The following ST3GAL1 variants were observed in gnomAD, a reference collection of about 807,000 sequenced individuals.
The protein encoded by ST3GAL1 is ST3 beta-galactoside alpha-2,3-sialyltransferase 1, also known as CMP-N-acetylneuraminate-beta-galactosamide-alpha-2,3-sialyltransferase 1.
A neutral mutation model predicts 34.1 loss-of-function variants in ST3GAL1; 16 were observed. The ratio of observed to expected loss-of-function variants is 0.47; its 90% confidence interval spans 0.32 to 0.71. The LOEUF (loss-of-function observed/expected upper bound fraction) is 0.71, where lower values mean the gene tolerates loss of function less well. ST3GAL1 is among the 30% of genes least tolerant of loss of function. The pLI, the probability that ST3GAL1 is intolerant of heterozygous loss-of-function variation, is 0.04. For synonymous variants in ST3GAL1, 191 were observed against 184.7 expected (o/e 1.03, Z -0.28); for missense variants, 353 against 447.4 (o/e 0.79, Z 1.90).
At chr8:133,541,627 A>G (rs1363203227) in intron 2 of ST3GAL1, among the ~76,000 whole-genome samples, 1 of 152,228 alleles carries the variant, frequency 6.6e-6, no homozygotes, top group Non-Finnish European at 1.5e-5. Flanking sequence ...GTCAGCAGGG[A>G]CAAATGCTTC....
rs61689158 is a variant in ST3GAL1 at position 133,458,886 on chromosome 8, CTTTT to C, written c.*874_*877del. 28 of 137,916 alleles carry C rather than the reference CTTTT, an allele frequency of 2.0e-4. No individual in the cohort carries two copies. Among genetic ancestry groups the C allele is most frequent in the African/African-American group, 7.0e-4 (26 of 37,152 alleles). 8.5% of individuals were successfully genotyped at this position (137,916 alleles called of 1,614,324 possible). ...CCAAGTTTGGGGTTTTTTTTCTTTT[CTTTT>C]TTTTTTTTTTTCAGAGACAGGGTCT... On this transcript the variant is annotated 3_prime_UTR_variant, in exon 10 of 10. Transcript: ENST00000522652.
At chr8:133,566,547 GATC>G (rs1235241365) in intron 1 of ST3GAL1, among the ~76,000 whole-genome samples, 1 of 152,060 alleles carries the variant, frequency 6.6e-6, no homozygotes, top group East Asian at 1.9e-4. Flanking sequence ...TGCAGGGGGT[GATC>G]ACCCACATGC....
chr8:133,462,759 C>T (rs966990653), intron 8 of ST3GAL1, among the ~76,000 whole-genome samples: 1 of 152,210 alleles, frequency 6.6e-6, no homozygotes, highest in African/African-American at 2.4e-5. Context: ...ACCAACCCCA[C>T]CCTATAGAGA....
intron 2 of ST3GAL1, among the ~76,000 whole-genome samples, chr8:133,530,479 AACC>A: frequency 6.6e-6 from 1 of 152,060 alleles, no homozygotes; most frequent in East Asian, 1.9e-4. Context: ...GATGGGGTTT[AACC>A]ATGTTTGTCA....
chr8:133,542,478 T>C (rs554411296), intron 2 of ST3GAL1, among the ~76,000 whole-genome samples: 1 of 152,190 alleles, frequency 6.6e-6, no homozygotes, highest in South Asian at 2.1e-4. Flanking sequence ...TCCACACTGA[T>C]ATAAAGAAAG....
chr8:133,542,589 A>G (rs897980041), intron 2 of ST3GAL1, among the ~76,000 whole-genome samples: 1 of 152,302 alleles, frequency 6.6e-6, no homozygotes, highest in Middle Eastern at 3.4e-3. Flanking sequence ...AGCCTGGCCA[A>G]CATGATGAAA....
Position 133,475,856 on chromosome 8 carries a change from T to C in ST3GAL1, c.169A>G (p.Arg57Gly). The change falls in exon 5 of 10, where the codon AGG becomes GGG. Residue 57 changes from arginine (R) to glycine (G), a missense_variant. Arg to Gly is a moderately radical substitution (Grantham distance 125). Transcript: ENST00000522652. ...SENLKRLIKHRPCTCTHCIGQ... is the reference protein window; with the variant it reads ...SENLKRLIKHGPCTCTHCIGQ... Reference sequence around the variant, plus strand: ...ATGCAGTGGGTGCAGGTGCAAGGCCTGTGCTTGATCAGTCTCTTCAGGTTC... The same window carrying C: ...ATGCAGTGGGTGCAGGTGCAAGGCCCGTGCTTGATCAGTCTCTTCAGGTTC... 6.2e-7 allele frequency: 1 copy of C among 1,614,112 alleles called. No homozygotes were observed. Among genetic ancestry groups the C allele is most frequent in the Non-Finnish European group, 8.5e-7 (1 of 1,180,030 alleles).
At chr8:133,511,176 C>A (rs542247094) in intron 2 of ST3GAL1, among the ~76,000 whole-genome samples, 1 of 152,166 alleles carries the variant, frequency 6.6e-6, no homozygotes, top group South Asian at 2.1e-4. Flanking sequence ...TCAACAAACA[C>A]ATTTTAAAAA....
chr8:133,513,281 TCTC>T (rs1055426974), intron 2 of ST3GAL1, among the ~76,000 whole-genome samples: 2 of 152,158 alleles, frequency 1.3e-5, no homozygotes, highest in Non-Finnish European at 2.9e-5. Flanking sequence ...TCTCGCCTCT[TCTC>T]CTGAGAACTA....
intron 1 of ST3GAL1, among the ~76,000 whole-genome samples, chr8:133,552,314 C>T (rs1210713068): frequency 2.6e-5 from 4 of 152,206 alleles, no homozygotes; most frequent in African/African-American, 9.7e-5. Context: ...GATCAGTTCG[C>T]AAATGGGACA....
rs527741557 is a variant in ST3GAL1 at position 133,465,509 on chromosome 8, C to T, written c.503+385G>A. 8.4e-5 allele frequency: 15 copies of T among 177,762 alleles called. No homozygotes were observed. In the South Asian group the frequency reaches 2.2e-3, roughly 26 times the overall value. 11.0% of individuals were successfully genotyped at this position (177,762 alleles called of 1,614,324 possible). A position where few individuals can be genotyped will look rare whatever the true frequency, so the allele number is the denominator to read the frequency against. ...CTGAAATGTCTGTTTCACTTGGCGA[C>T]AGGGGAAAATATATTTTACATAAAA... On this transcript the variant is annotated intron_variant, in intron 6 of 9. Transcript: ENST00000522652.
intron 3 of ST3GAL1, among the ~76,000 whole-genome samples, chr8:133,487,057 C>T (rs1419398967): frequency 6.6e-6 from 1 of 152,206 alleles, no homozygotes; most frequent in Non-Finnish European, 1.5e-5. Flanking sequence ...GATTCTCCTG[C>T]CTCAGCCTCT....
chr8:133,502,959 A>G (rs894957660), intron 2 of ST3GAL1, among the ~76,000 whole-genome samples: 4 of 152,204 alleles, frequency 2.6e-5, no homozygotes, highest in Admixed American at 2.0e-4. Context: ...CAGTTCTGGT[A>G]TGTGCCATCT....
intron 2 of ST3GAL1, among the ~76,000 whole-genome samples, chr8:133,531,742 A>AC (rs1388173139): frequency 6.7e-6 from 1 of 148,666 alleles, no homozygotes; most frequent in Non-Finnish European, 1.5e-5. Context: ...GGTGCAGCAA[A>AC]CCACCATGGC....
intron 2 of ST3GAL1, among the ~76,000 whole-genome samples, chr8:133,510,059 C>CAAA (rs61402942): frequency 3.3e-5 from 4 of 120,216 alleles, no homozygotes; most frequent in South Asian, 2.8e-4. Flanking sequence ...AACTCTGTCT[C>CAAA]AAAAAAAAAA....
chr8:133,528,767 C>T (rs1188786835), intron 2 of ST3GAL1, among the ~76,000 whole-genome samples: 1 of 152,254 alleles, frequency 6.6e-6, no homozygotes, highest in Non-Finnish European at 1.5e-5. Context: ...AAAACATTTG[C>T]TGCCCCTGGA....
chr8:133,511,449 C>T (rs1189385288), intron 2 of ST3GAL1, among the ~76,000 whole-genome samples: 1 of 152,202 alleles, frequency 6.6e-6, no homozygotes, highest in Non-Finnish European at 1.5e-5. Flanking sequence ...CTGTTTCAGA[C>T]ACTTGATGTG....
intron 3 of ST3GAL1, among the ~76,000 whole-genome samples, chr8:133,492,447 G>A (rs868124402): frequency 6.6e-6 from 1 of 152,324 alleles, no homozygotes; most frequent in African/African-American, 2.4e-5. Flanking sequence ...GGGGCCAGGC[G>A]TGGTGGCTCA....
At chr8:133,492,370 T>C (rs1163586925) in intron 3 of ST3GAL1, among the ~76,000 whole-genome samples, 1 of 152,146 alleles carries the variant, frequency 6.6e-6, no homozygotes, top group Non-Finnish European at 1.5e-5. Context: ...GCACTTCTCT[T>C]AGGTTGCTTG....
Sources: gnomAD v4.1 joint callset for allele counts (sites outside exome capture counted in the v4.1 genomes callset) on GRCh38, gnomAD v4.1.1 for gene constraint, MANE v1.5 for transcripts, NCBI Gene and HGNC (gene_info 2026-07-23, HGNC 2026-07-21) for gene names.